The following PRKG1 variants were observed in gnomAD, a reference collection of about 807,000 sequenced individuals.
PRKG1 encodes protein kinase cGMP-dependent 1.
PRKG1 carries 35 observed loss-of-function variants against 88.1 expected under a neutral mutation model. The observed-to-expected ratio is 0.40, with a 90% CI of 0.30 to 0.53. PRKG1 has a LOEUF of 0.53. Among genes scored for constraint, PRKG1 ranks in the 20% least tolerant of loss-of-function variants. The pLI is 0.59. For missense variants in PRKG1, 540 were observed against 839.8 expected (o/e 0.64, Z 4.41); for synonymous variants, 303 against 292.5 (o/e 1.04, Z -0.37).
At chr10:51,680,355 C>T (rs1840822030) in intron 3 of PRKG1, among the ~76,000 whole-genome samples, 1 of 152,026 alleles carries the variant, frequency 6.6e-6, no homozygotes, top group Admixed American at 6.5e-5. Context: ...CTTGCTCGGG[C>T]CCACTCCCGC....
intron 4 of PRKG1, among the ~76,000 whole-genome samples, chr10:51,809,301 G>T (rs1239320986): frequency 6.7e-6 from 1 of 149,246 alleles, no homozygotes; most frequent in Non-Finnish European, 1.5e-5. Flanking sequence ...AAAAAAAAAG[G>T]TATTCAAAGG....
intron 2 of PRKG1, among the ~76,000 whole-genome samples, chr10:51,289,436 A>G (rs1840525919): frequency 6.6e-6 from 1 of 152,174 alleles, no homozygotes; most frequent in African/African-American, 2.4e-5. Flanking sequence ...AGTGGACTAG[A>G]GCCTCCAAGT....
intron 3 of PRKG1, among the ~76,000 whole-genome samples, chr10:51,680,003 T>A (rs1840809036): frequency 6.6e-6 from 1 of 151,698 alleles, no homozygotes; most frequent in Non-Finnish European, 1.5e-5. Flanking sequence ...CAAAGGCTAC[T>A]CTACCTACAA....
At chr10:51,977,911 T>C (rs1160825815) in intron 5 of PRKG1, among the ~76,000 whole-genome samples, 1 of 152,116 alleles carries the variant, frequency 6.6e-6, no homozygotes, top group East Asian at 1.9e-4. Flanking sequence ...TTTCTCCCAT[T>C]CTGTCGGTTG....
intron 2 of PRKG1, among the ~76,000 whole-genome samples, chr10:51,165,460 A>G (rs938735180): frequency 3.2e-4 from 49 of 152,214 alleles, no homozygotes; most frequent in Admixed American, 8.5e-4. Context: ...AATTGTAAAG[A>G]CCATCGAGGC....
chr10:52,092,617 G>C (rs1212664247), intron 7 of PRKG1, among the ~76,000 whole-genome samples: 2 of 152,252 alleles, frequency 1.3e-5, no homozygotes, highest in East Asian at 3.9e-4. Flanking sequence ...GATCCAACTT[G>C]TGTCCTCTCA....
intron 9 of PRKG1, chr10:52,185,143 G>A (rs927616369): frequency 1.3e-5 from 2 of 152,130 alleles, no homozygotes; most frequent in South Asian, 4.1e-4. Context: ...TCTGAGAGTT[G>A]TCTTCTTCCA....
chr10:52,077,060 A>G (rs953789668), intron 7 of PRKG1, among the ~76,000 whole-genome samples: 1 of 152,022 alleles, frequency 6.6e-6, no homozygotes. Context: ...ATTCGTAGGT[A>G]TTTACATGAA....
intron 1 of PRKG1, among the ~76,000 whole-genome samples, chr10:51,040,511 G>C (rs2132757343): frequency 6.6e-6 from 1 of 151,232 alleles, no homozygotes; most frequent in African/African-American, 2.4e-5. Flanking sequence ...GTAGAGATGG[G>C]GTTTCACTGT....
chr10:52,206,262 A>G (rs1839816554), intron 9 of PRKG1, among the ~76,000 whole-genome samples: 1 of 152,030 alleles, frequency 6.6e-6, no homozygotes. Context: ...CCATCAGATC[A>G]GTTTGTTTCT....
At chr10:51,449,144 C>A (rs1297338256) in intron 2 of PRKG1, among the ~76,000 whole-genome samples, 1 of 151,744 alleles carries the variant, frequency 6.6e-6, no homozygotes, top group African/African-American at 2.4e-5. Flanking sequence ...TTTCACCTAC[C>A]CAAAACCTGC....
At chr10:51,036,487 C>T (rs1478607028) in intron 1 of PRKG1, among the ~76,000 whole-genome samples, 1 of 151,612 alleles carries the variant, frequency 6.6e-6, no homozygotes, top group Admixed American at 6.6e-5. Flanking sequence ...GTGAGGGAAT[C>T]GAGGAGTGAT....
chr10:51,934,164 A>G (rs954893848), intron 5 of PRKG1, among the ~76,000 whole-genome samples: 10 of 152,106 alleles, frequency 6.6e-5, no homozygotes, highest in African/African-American at 2.4e-4. Context: ...TTCCAAGATC[A>G]TAACAACAAA....
intron 4 of PRKG1, among the ~76,000 whole-genome samples, chr10:51,898,732 G>A (rs181976734): frequency 6.6e-6 from 1 of 152,204 alleles, no homozygotes; most frequent in East Asian, 1.9e-4. Flanking sequence ...CAGGAGAATT[G>A]CTGGAGCCCA....
At chr10:51,339,343 A>C (rs1841951676) in intron 2 of PRKG1, among the ~76,000 whole-genome samples, 1 of 152,132 alleles carries the variant, frequency 6.6e-6, no homozygotes, top group African/African-American at 2.4e-5. Flanking sequence ...GGTTCACCAG[A>C]AAGTACAAAA....
rs952430988 is a variant in PRKG1 at position 51,697,482 on chromosome 10, T to C, written c.593-107103T>C. ...AATCATGTTCAGAGTTATTTTAAAG[T>C]AACTTAAAGTGAACAGACGCACTCC... On this transcript the variant is annotated intron_variant, in intron 3 of 17. Transcript: ENST00000373980. The C allele has an allele frequency of 3.8e-5, 21 of 558,186 alleles. 1 individual carries two copies. Among genetic ancestry groups the C allele is most frequent in the East Asian group, 3.2e-4 (11 of 34,154 alleles). 34.6% of individuals were successfully genotyped at this position (558,186 alleles called of 1,614,324 possible). A position where few individuals can be genotyped will look rare whatever the true frequency, so the allele number is the denominator to read the frequency against.
intron 2 of PRKG1, among the ~76,000 whole-genome samples, chr10:51,153,905 A>G (rs1021967209): frequency 2.6e-5 from 4 of 152,056 alleles, no homozygotes; most frequent in African/African-American, 7.2e-5. Context: ...TGAGGCACGC[A>G]CTGTGTAATA....
At chr10:52,150,149 A>ATAATAATAATAATAAT (rs1837863281) in intron 8 of PRKG1, among the ~76,000 whole-genome samples, 1 of 82,400 alleles carries the variant, frequency 1.2e-5, no homozygotes, top group Admixed American at 1.3e-4. Context: ...CTCCATCTCA[A>ATAATAATAATAATAAT]AATAATAATA....
chr10:51,161,560 TA>T (rs1366965520), intron 2 of PRKG1, among the ~76,000 whole-genome samples: 2 of 152,214 alleles, frequency 1.3e-5, no homozygotes, highest in Admixed American at 6.5e-5. Flanking sequence ...TCCTGAAAGC[TA>T]AAAAGTTTGA....
Sources: gnomAD v4.1 joint callset for allele counts (sites outside exome capture counted in the v4.1 genomes callset) on GRCh38, gnomAD v4.1.1 for gene constraint, MANE v1.5 for transcripts, NCBI Gene and HGNC (gene_info 2026-07-23, HGNC 2026-07-21) for gene names.